The following PRDM16 variants were observed in gnomAD, a reference collection of about 807,000 sequenced individuals.
The protein encoded by PRDM16 is PR/SET domain 16.
A neutral mutation model predicts 110.6 loss-of-function variants in PRDM16; 23 were observed. The ratio of observed to expected loss-of-function variants is 0.21; its 90% CI spans 0.15 to 0.29. The LOEUF is 0.29. Ranked by LOEUF, PRDM16 falls within the 10% of genes least tolerant of loss-of-function variation. PRDM16 has a pLI of 1.00. For missense variants in PRDM16, 1,615 were observed against 1,794.3 expected (o/e 0.90, Z 1.81); for synonymous variants, 799 against 781.8 (o/e 1.02, Z -0.37).
chr1:3,425,773 G>A lies in PRDM16; in HGVS notation c.3109+23G>A. On this transcript the variant is annotated intron_variant, in intron 13 of 16. Coordinates refer to ENST00000270722, the MANE Select transcript of PRDM16 (RefSeq NM_022114.4). This position sits in a 1 kb window ranked among gnomAD's most constrained non-coding sequence, Gnocchi z 6.9. ...CAGGTGGGCCACGCGGGGTGGGGCA[G>A]CCCCCAGAGCACCCACACGGGCAGG... 1.2e-6 allele frequency: 2 copies of A among 1,612,018 alleles called. No individual in the cohort carries two copies. Among genetic ancestry groups the A allele is most frequent in the African/African-American group, 2.7e-5 (2 of 75,018 alleles).
intron 10 of PRDM16, among the ~76,000 whole-genome samples, chr1:3,415,912 A>T (rs1638236179): frequency 1.3e-5 from 2 of 152,240 alleles, no homozygotes. Flanking sequence ...TGCCTGTGGA[A>T]AGACCTCAGC....
intron 3 of PRDM16, among the ~76,000 whole-genome samples, chr1:3,325,021 C>T (rs968205208): frequency 6.6e-6 from 1 of 152,272 alleles, no homozygotes; most frequent in African/African-American, 2.4e-5. Flanking sequence ...TTTCTGGCCC[C>T]TACATGTGGC....
At position 3,156,269 on chromosome 1, in the gene PRDM16, G is replaced by A. The variant is rs148039324; in HGVS notation, c.38-29856G>A. Among the ~76,000 whole-genome samples the A allele has an allele frequency of 6.0e-4, 92 of 152,286 alleles. 2 individuals are homozygous for A. The highest frequency in any genetic ancestry group is 2.0e-3 in the African/African-American group (82 of 41,548). Reference sequence around the variant, plus strand: ...CCGGGCAGCAGGACAGTTTCCACGCGTTTGATGGTGGCCACTTTGAGTGTT... The same window carrying A: ...CCGGGCAGCAGGACAGTTTCCACGCATTTGATGGTGGCCACTTTGAGTGTT... On this transcript the variant is annotated intron_variant, in intron 1 of 16. Transcript: ENST00000270722.
intron 14 of PRDM16, among the ~76,000 whole-genome samples, chr1:3,427,750 G>A (rs536737915): frequency 1.1e-4 from 17 of 152,172 alleles, no homozygotes; most frequent in African/African-American, 3.4e-4. Flanking sequence ...AGGAAGGGGC[G>A]GGGGGAGAAG....
chr1:3,375,306 C>T (rs1424911875), intron 3 of PRDM16, among the ~76,000 whole-genome samples: 3 of 152,220 alleles, frequency 2.0e-5, no homozygotes, highest in Admixed American at 6.5e-5. Context: ...CCCAAGGTTT[C>T]GACAGACCCT....
rs1553161928 is a variant in PRDM16 at position 3,314,073 on chromosome 1, G to GGGGT, written c.438+69939_438+69940insTGGG. Among the ~76,000 whole-genome samples the GGGGT allele has an allele frequency of 9.9e-5, 14 of 141,804 alleles. 3 individuals are homozygous for GGGGT. Among genetic ancestry groups the GGGGT allele is most frequent in the African/African-American group, 3.8e-4 (13 of 33,834 alleles). 93.0% of individuals were successfully genotyped at this position (141,804 alleles called of 152,430 possible). A position where few individuals can be genotyped will look rare whatever the true frequency, so the allele number is the denominator to read the frequency against. On this transcript the variant is annotated intron_variant, in intron 3 of 16. Transcript: ENST00000270722. ...CCCCGAATGCCGTCCTTCCCCACCG[G>GGGGT]GGGGGGGGGCGGGAACATAAAATGG...
chr1:3,097,428 C>T (rs999749877), intron 1 of PRDM16, among the ~76,000 whole-genome samples: 1 of 152,232 alleles, frequency 6.6e-6, no homozygotes, highest in Non-Finnish European at 1.5e-5. Context: ...GCCAGGCTGC[C>T]GCCCCGTGCC....
chr1:3,340,752 C>T (rs1642254165), intron 3 of PRDM16, among the ~76,000 whole-genome samples: 1 of 152,170 alleles, frequency 6.6e-6, no homozygotes, highest in African/African-American at 2.4e-5. Context: ...TTGTAAAGGC[C>T]ATCTAGATGA....
rs745539954 is a variant in PRDM16, at chr1:3,412,360, C to T, written c.2163C>T (p.Tyr721=). 2 of 1,613,670 alleles carry T rather than the reference C, an allele frequency of 1.2e-6. No individual in the cohort carries two copies. Among genetic ancestry groups the T allele is most frequent in the Admixed American group, 1.7e-5 (1 of 60,028 alleles). ...AGAAGAAGCTGGGCTCGCTCCCCTA[C>T]CACTCGGCGTTCCCCTTCCAGTTCC... ...MQEKKLGSLP[Y]HSAFPFQFLP... Residue 721 remains tyrosine (Y), a synonymous_variant, in exon 9 of 17, where the codon TAC becomes TAT. Transcript: ENST00000270722.
intron 1 of PRDM16, among the ~76,000 whole-genome samples, chr1:3,078,038 TC>T (rs34471979): frequency 0.5 from 75,967 of 152,004 alleles, 19,543 homozygotes; most frequent in East Asian, 0.87. Flanking sequence ...GTCTCCTCTG[TC>T]CTTGCCTCTG....
chr1:3,125,013 C>T (rs532981482), intron 1 of PRDM16, among the ~76,000 whole-genome samples: 6 of 152,374 alleles, frequency 3.9e-5, no homozygotes, highest in African/African-American at 7.2e-5. Flanking sequence ...GCAGGAGCCC[C>T]CTGGGGCTCT....
intron 3 of PRDM16, among the ~76,000 whole-genome samples, chr1:3,292,740 G>A (rs1487771656): frequency 6.6e-6 from 1 of 152,250 alleles, no homozygotes; most frequent in African/African-American, 2.4e-5. Flanking sequence ...TCACGGAATT[G>A]GCGCGAAGGG....
intron 2 of PRDM16, among the ~76,000 whole-genome samples, chr1:3,231,416 C>T (rs945981732): frequency 6.6e-6 from 1 of 150,534 alleles, no homozygotes. Flanking sequence ...TCCCCTTCTC[C>T]GTCGTCAGGG....
At position 3,245,330 on chromosome 1, in the gene PRDM16, T is replaced by C. The variant is rs1203596357; in HGVS notation, c.438+1193T>C. Among the ~76,000 whole-genome samples, 4 of 152,172 alleles carry C rather than the reference T, an allele frequency of 2.6e-5. No individual in the cohort carries two copies. In the East Asian group the frequency reaches 7.7e-4, roughly 29 times the overall value. On this transcript the variant is annotated intron_variant, in intron 3 of 16. Transcript: ENST00000270722. This position sits in a 1 kb window ranked among gnomAD's most constrained non-coding sequence, Gnocchi z 4.7. ...CTCCCAGTCTCTGAGCCGAGGCATT[T>C]GGGCAGAGCTGCCTACGAGGGACAG...
chr1:3,376,163 G>GA (rs1642987099), intron 3 of PRDM16, among the ~76,000 whole-genome samples: 1 of 152,198 alleles, frequency 6.6e-6, no homozygotes, highest in African/African-American at 2.4e-5. Context: ...TTTGAAGGGA[G>GA]AGGGTCTGTG....
chr1:3,282,931 G>A (rs933555310), intron 3 of PRDM16, among the ~76,000 whole-genome samples: 4 of 152,216 alleles, frequency 2.6e-5, no homozygotes, highest in African/African-American at 7.2e-5. Context: ...GTATTAGGGC[G>A]GTTAGAGGAG....
chr1:3,122,022 G>C (rs942592793), intron 1 of PRDM16, among the ~76,000 whole-genome samples: 1 of 152,228 alleles, frequency 6.6e-6, no homozygotes, highest in East Asian at 1.9e-4. Context: ...TCTATGAAAC[G>C]CGCACCCGGC....
intron 8 of PRDM16, among the ~76,000 whole-genome samples, chr1:3,407,202 C>T (rs544087171): frequency 3.9e-5 from 6 of 152,312 alleles, no homozygotes; most frequent in South Asian, 2.1e-4. Flanking sequence ...AGGTGATGTC[C>T]GCCAGCCAGC....
chr1:3,424,068 C>T (rs528785373), intron 12 of PRDM16, among the ~76,000 whole-genome samples: 14 of 152,338 alleles, frequency 9.2e-5, no homozygotes, highest in Non-Finnish European at 1.9e-4. Flanking sequence ...CACCGTCGCC[C>T]AGCCCAGCCG....
Sources: gnomAD v4.1 joint callset for allele counts (sites outside exome capture counted in the v4.1 genomes callset) on GRCh38, gnomAD v4.1.1 for gene constraint, Gnocchi (gnomAD v3.1) non-coding constraint, MANE v1.5 for transcripts, NCBI Gene and HGNC (gene_info 2026-07-23, HGNC 2026-07-21) for gene names.